The following TSHZ2 variants were observed in gnomAD, a reference collection of about 807,000 sequenced individuals.
TSHZ2 encodes teashirt zinc finger homeobox 2.
TSHZ2 carries 21 observed loss-of-function variants against 74.4 expected under a neutral mutation model. That is an observed-to-expected ratio of 0.28 (90% CI 0.20 to 0.41). The LOEUF is 0.41. Ranked by LOEUF, TSHZ2 falls within the 10% of genes least tolerant of loss-of-function variation. The pLI, the probability that TSHZ2 is intolerant of heterozygous loss-of-function variation, is 1.00. For missense variants in TSHZ2, 1,244 were observed against 1,293.5 expected, an observed-to-expected ratio of 0.96 and a Z score of 0.59; for synonymous variants, 540 against 515.3, an observed-to-expected ratio of 1.05 and a Z score of -0.65.
At chr20:53,438,631 G>C (rs1984189491) in intron 2 of TSHZ2, among the ~76,000 whole-genome samples, 1 of 152,122 alleles carries the variant, frequency 6.6e-6, no homozygotes, top group Non-Finnish European at 1.5e-5. Flanking sequence ...GGGATCCCCT[G>C]ACCTAAAAAT....
chr20:53,188,946 C>T (rs2123534646), intron 1 of TSHZ2, among the ~76,000 whole-genome samples: 1 of 152,248 alleles, frequency 6.6e-6, no homozygotes, highest in Admixed American at 6.5e-5. Context: ...TGATTATCCC[C>T]ATTTTTCAGA....
intron 1 of TSHZ2, among the ~76,000 whole-genome samples, chr20:53,112,246 C>A (rs560585098): frequency 6.6e-5 from 10 of 152,330 alleles, no homozygotes; most frequent in African/African-American, 2.4e-4. Flanking sequence ...AAGCCCCTAG[C>A]TCATGTCCTA....
intron 1 of TSHZ2, among the ~76,000 whole-genome samples, chr20:53,021,511 C>T (rs899996335): frequency 2.6e-5 from 4 of 152,206 alleles, no homozygotes; most frequent in African/African-American, 9.6e-5. Flanking sequence ...TTAACAATGC[C>T]TGTGTCAGCC....
rs79875134 is a variant in TSHZ2 at position 53,176,141 on chromosome 20, T to C, written c.41-77358T>C. Among the ~76,000 whole-genome samples, 53 of 152,358 alleles carry C rather than the reference T, an allele frequency of 3.5e-4. No individual in the cohort carries two copies. In the East Asian group the frequency reaches 9.5e-3, roughly 27 times the overall value. On this transcript the variant is annotated intron_variant, in intron 1 of 2. Coordinates refer to ENST00000371497, the MANE Select transcript of TSHZ2 (RefSeq NM_173485.6). ...CTGAACTGCTGGAGTTACTGCTCCT[T>C]AGTTCTAAGGTCATCTTCAGGCTTT...
intron 2 of TSHZ2, among the ~76,000 whole-genome samples, chr20:53,304,628 C>CTTGTTTGT (rs142498857): frequency 0.064 from 9,658 of 150,914 alleles, 354 homozygotes; most frequent in Middle Eastern, 0.11. Context: ...TGTTTGTTTC[C>CTTGTTTGT]TTGTTTGTTT....
intron 2 of TSHZ2, among the ~76,000 whole-genome samples, chr20:53,371,731 C>T (rs187907927): frequency 2.7e-4 from 41 of 151,826 alleles, no homozygotes; most frequent in Middle Eastern, 6.8e-3. Flanking sequence ...TAAAAGTTAG[C>T]GGGGCATGGT....
At chr20:53,223,816 TG>T (rs2123649375) in intron 1 of TSHZ2, among the ~76,000 whole-genome samples, 1 of 152,136 alleles carries the variant, frequency 6.6e-6, no homozygotes, top group African/African-American at 2.4e-5. Flanking sequence ...AAGGAGTCCT[TG>T]TGATATAACT....
chr20:53,253,482 T>C lies in TSHZ2; in HGVS notation c.41-17T>C, dbSNP rs1325240421. ...GAGCCTGTTACTGTCGTTTCATCTC[T>C]TCTTCTTCTCTTGCAGGCTACGCCC... On this transcript the variant is annotated splice_polypyrimidine_tract_variant and intron_variant, in intron 1 of 2. Transcript: ENST00000371497. 1.9e-6 allele frequency: 3 copies of C among 1,579,050 alleles called. No homozygotes were observed. In the Admixed American group the frequency reaches 5.4e-5, roughly 28 times the overall value.
chr20:53,402,580 GA>G, intron 2 of TSHZ2, among the ~76,000 whole-genome samples: 1 of 152,262 alleles, frequency 6.6e-6, no homozygotes, highest in East Asian at 1.9e-4. Flanking sequence ...TCATTTCTAT[GA>G]AAAAAAGCAG....
chr20:53,394,844 T>A (rs9647025), intron 2 of TSHZ2, among the ~76,000 whole-genome samples: 21,971 of 88,056 alleles, frequency 0.25, 2,425 homozygotes, highest in South Asian at 0.4. Context: ...ATCCCACCTG[T>A]CCCCCAGAAC....
chr20:53,111,900 C>T (rs1175367544), intron 1 of TSHZ2, among the ~76,000 whole-genome samples: 1 of 152,098 alleles, frequency 6.6e-6, no homozygotes. Context: ...GGTCATCCCA[C>T]CACCTGGGTC....
chr20:53,151,834 G>T (rs1987683823), intron 1 of TSHZ2, among the ~76,000 whole-genome samples: 2 of 152,062 alleles, frequency 1.3e-5, no homozygotes, highest in South Asian at 4.2e-4. Context: ...GATACCATTG[G>T]TGATTATTCT....
intron 2 of TSHZ2, among the ~76,000 whole-genome samples, chr20:53,468,224 TTAGG>T (rs1985619857): frequency 6.6e-6 from 1 of 152,186 alleles, no homozygotes; most frequent in African/African-American, 2.4e-5. Context: ...TTGATTATAA[TTAGG>T]GATAACTGTT....
chr20:53,222,544 T>C (rs1225108072), intron 1 of TSHZ2, among the ~76,000 whole-genome samples: 3 of 152,226 alleles, frequency 2.0e-5, no homozygotes, highest in East Asian at 1.9e-4. Context: ...TGGAATACCA[T>C]GTGCAAAAAT....
intron 1 of TSHZ2, among the ~76,000 whole-genome samples, chr20:53,218,504 T>C: frequency 6.6e-6 from 1 of 152,270 alleles, no homozygotes; most frequent in East Asian, 1.9e-4. Context: ...CAATTTCTCA[T>C]ATTCTTTTGC....
At chr20:53,333,788 T>G (rs915875490) in intron 2 of TSHZ2, among the ~76,000 whole-genome samples, 1 of 152,194 alleles carries the variant, frequency 6.6e-6, no homozygotes, top group African/African-American at 2.4e-5. Flanking sequence ...TTGAGCTACA[T>G]AGCTCTTATG....
intron 1 of TSHZ2, among the ~76,000 whole-genome samples, chr20:53,183,004 TCTC>T (rs528373006): frequency 6.6e-6 from 1 of 152,090 alleles, no homozygotes; most frequent in Non-Finnish European, 1.5e-5. Flanking sequence ...TCTCCCCACT[TCTC>T]CTTGAACTTG....
At chr20:53,080,398 A>G (rs1463658807) in intron 1 of TSHZ2, among the ~76,000 whole-genome samples, 1 of 152,322 alleles carries the variant, frequency 6.6e-6, no homozygotes, top group East Asian at 1.9e-4. Context: ...CAAAGGTACA[A>G]GTGTACACAT....
In TSHZ2 at chr20:53,269,358, TG is replaced by T. The variant is rs921651164; in HGVS notation, c.*8+12794del. 1.1e-4 allele frequency among the ~76,000 whole-genome samples: 13 copies of T among 117,202 alleles called. No individual in the cohort carries two copies. In the East Asian group the frequency reaches 2.3e-3, roughly 21 times the overall value. The allele number at this position is 117,202 out of a possible 152,430, so 76.9% of individuals were successfully genotyped here. A position where few individuals can be genotyped will look rare whatever the true frequency, so the allele number is the denominator to read the frequency against. On this transcript the variant is annotated intron_variant, in intron 2 of 2. Coordinates refer to ENST00000371497, the MANE Select transcript of TSHZ2 (RefSeq NM_173485.6). The stretch of plus-strand genomic sequence containing the variant: ...TTATCTAAAACAGCTCTGGGAGGGG[TG>T]GGGGGGATAAAAGATATGCCCCTGA...
Sources: gnomAD v4.1 joint callset for allele counts (sites outside exome capture counted in the v4.1 genomes callset) on GRCh38, gnomAD v4.1.1 for gene constraint, MANE v1.5 for transcripts, NCBI Gene and HGNC (gene_info 2026-07-23, HGNC 2026-07-21) for gene names.